TMEFF2: variants seen among roughly 807,000 people sequenced by gnomAD.
The protein encoded by TMEFF2 is transmembrane protein with EGF like and two follistatin like domains 2, also known as tomoregulin-2.
In TMEFF2, 28 loss-of-function variants were observed where a neutral mutation model predicts 53.8. The ratio of observed to expected loss-of-function variants is 0.52; its 90% CI spans 0.39 to 0.71. The LOEUF (loss-of-function observed/expected upper bound fraction) is 0.71, where lower values mean the gene tolerates loss of function less well. Among genes scored for constraint, TMEFF2 ranks in the 30% least tolerant of loss-of-function variants. The pLI is 0.00. For synonymous variants in TMEFF2, 162 were observed against 166.3 expected (o/e 0.97, Z 0.20); for missense variants, 353 against 455.2 (o/e 0.78, Z 2.04).
intron 5 of TMEFF2, chr2:192,028,064 G>A (rs1019992571): frequency 6.6e-6 from 1 of 151,286 alleles, no homozygotes; most frequent in African/African-American, 2.4e-5. Context: ...TTATGGGGGG[G>A]GGGGGGGTCT....
At chr2:192,037,371 T>C (rs1162778471) in intron 5 of TMEFF2, among the ~76,000 whole-genome samples, 2 of 149,168 alleles carry the variant, frequency 1.3e-5, no homozygotes, top group Admixed American at 1.3e-4. Context: ...CTCACTTAAG[T>C]TTTTTTTCTT....
intron 4 of TMEFF2, among the ~76,000 whole-genome samples, chr2:192,135,301 G>A (rs895504495): frequency 2.0e-5 from 3 of 152,136 alleles, no homozygotes; most frequent in East Asian, 1.9e-4. Context: ...TTTGCTGGCA[G>A]GACTATGCTG....
intron 4 of TMEFF2, among the ~76,000 whole-genome samples, chr2:192,076,602 T>C (rs1347290421): frequency 1.3e-5 from 2 of 152,166 alleles, no homozygotes; most frequent in East Asian, 1.9e-4. Context: ...TTTAAGACCA[T>C]GCACTGCACT....
At chr2:191,984,705 G>C (rs1023709399) in intron 7 of TMEFF2, among the ~76,000 whole-genome samples, 1 of 151,806 alleles carries the variant, frequency 6.6e-6, no homozygotes, top group Non-Finnish European at 1.5e-5. Context: ...CAATAAACTC[G>C]TCCATTAGTT....
chr2:192,091,651 G>A (rs1306801483), intron 4 of TMEFF2, among the ~76,000 whole-genome samples: 1 of 151,714 alleles, frequency 6.6e-6, no homozygotes, highest in Non-Finnish European at 1.5e-5. Context: ...AGTTGGCATT[G>A]TGGTTTTATT....
chr2:192,188,636 G>T (rs1691375928), intron 2 of TMEFF2, among the ~76,000 whole-genome samples: 1 of 152,240 alleles, frequency 6.6e-6, no homozygotes, highest in African/African-American at 2.4e-5. Flanking sequence ...TCTAAAGCAC[G>T]ACTTATTAAA....
At chr2:192,161,254 C>T (rs571588810) in intron 4 of TMEFF2, among the ~76,000 whole-genome samples, 17 of 152,196 alleles carry the variant, frequency 1.1e-4, no homozygotes, top group South Asian at 1.0e-3. Context: ...GTGCAACCTC[C>T]GCCTTCCGTG....
chr2:192,136,506 C>A (rs1690011265), intron 4 of TMEFF2, among the ~76,000 whole-genome samples: 1 of 152,050 alleles, frequency 6.6e-6, no homozygotes, highest in African/African-American at 2.4e-5. Context: ...TAAAATAATT[C>A]TTTTCCTATA....
intron 4 of TMEFF2, among the ~76,000 whole-genome samples, chr2:192,126,446 G>C (rs550862905): frequency 6.6e-6 from 1 of 152,200 alleles, no homozygotes; most frequent in Admixed American, 6.5e-5. Flanking sequence ...TTTGTATAAA[G>C]ATATTGTATG....
At chr2:192,060,515 T>C (rs1688018264) in intron 4 of TMEFF2, among the ~76,000 whole-genome samples, 1 of 152,222 alleles carries the variant, frequency 6.6e-6, no homozygotes, top group Non-Finnish European at 1.5e-5. Context: ...CTCCATCTTA[T>C]TTAGCAAGTA....
chr2:192,124,474 G>T (rs1401938500), intron 4 of TMEFF2, among the ~76,000 whole-genome samples: 1 of 152,150 alleles, frequency 6.6e-6, no homozygotes, highest in Non-Finnish European at 1.5e-5. Flanking sequence ...AGAAGTGATG[G>T]ATGCTCCATT....
intron 4 of TMEFF2, among the ~76,000 whole-genome samples, chr2:192,134,385 G>T (rs1178201725): frequency 1.3e-5 from 2 of 152,000 alleles, no homozygotes; most frequent in Non-Finnish European, 2.9e-5. Context: ...CCCTGATCAC[G>T]CTTGATTTAT....
At chr2:192,118,976 CTACTT>C (rs1227056045) in intron 4 of TMEFF2, among the ~76,000 whole-genome samples, 1 of 152,120 alleles carries the variant, frequency 6.6e-6, no homozygotes, top group Non-Finnish European at 1.5e-5. Context: ...GAAAATGTCT[CTACTT>C]TATTCTCAGA....
chr2:192,145,934 A>T (rs891185788), intron 4 of TMEFF2, among the ~76,000 whole-genome samples: 4 of 152,044 alleles, frequency 2.6e-5, no homozygotes, highest in African/African-American at 9.7e-5. Context: ...AAGAAAAAAA[A>T]CTGAAAAGCA....
chr2:192,003,799 A>G lies in TMEFF2; in HGVS notation c.537-4591T>C, dbSNP rs117519835. Among the ~76,000 whole-genome samples, 1,116 of 152,252 alleles carry G rather than the reference A, an allele frequency of 7.3e-3. 12 individuals carry two copies. Among genetic ancestry groups the G allele is most frequent in the South Asian group, 0.026 (127 of 4,824 alleles). Reference sequence around the variant, plus strand: ...CTCTACTGAAATTACAAAATTAGAGAGTTTTAGCATTAATTTTTTTCCAGG... The same window carrying G: ...CTCTACTGAAATTACAAAATTAGAGGGTTTTAGCATTAATTTTTTTCCAGG... On this transcript the variant is annotated intron_variant, in intron 5 of 9. Coordinates refer to ENST00000272771, the MANE Select transcript of TMEFF2 (RefSeq NM_016192.4).
chr2:191,993,513 C>T (rs531604594), intron 7 of TMEFF2, among the ~76,000 whole-genome samples: 9 of 152,080 alleles, frequency 5.9e-5, no homozygotes, highest in Middle Eastern at 3.4e-3. Context: ...ACATTTTTCA[C>T]GAACAGCCAG....
intron 4 of TMEFF2, among the ~76,000 whole-genome samples, chr2:192,094,284 T>C (rs914157909): frequency 1.3e-5 from 2 of 152,206 alleles, no homozygotes; most frequent in African/African-American, 4.8e-5. Context: ...TTTATTATCA[T>C]GCTCCTCATG....
At chr2:192,174,748 G>A (rs1281800497) in intron 4 of TMEFF2, among the ~76,000 whole-genome samples, 1 of 151,676 alleles carries the variant, frequency 6.6e-6, no homozygotes, top group Admixed American at 6.6e-5. Context: ...TTCAGCAGAA[G>A]TTGCTTACAA....
At chr2:191,952,462 T>G (rs951860164) in intron 9 of TMEFF2, among the ~76,000 whole-genome samples, 7 of 152,184 alleles carry the variant, frequency 4.6e-5, no homozygotes, top group African/African-American at 1.7e-4. Context: ...GTTTCCTATG[T>G]TTTAGATTCT....
Sources: allele counts gnomAD v4.1 joint callset (sites outside exome capture counted in the v4.1 genomes callset), GRCh38; gene constraint gnomAD v4.1.1; transcripts MANE v1.5; gene names NCBI Gene and HGNC (gene_info 2026-07-23, HGNC 2026-07-21).